Variants in KIAA1328 observed in about 807,000 individuals in gnomAD.
The protein encoded by KIAA1328 is KIAA1328.
In KIAA1328, 52 loss-of-function variants were observed where a neutral mutation model predicts 68.1. That is an observed-to-expected ratio of 0.76 (90% CI 0.61 to 0.96). The LOEUF is 0.96. KIAA1328 is among the 40% of genes least tolerant of loss of function. The pLI is 0.00. For synonymous variants in KIAA1328, 232 were observed against 239.4 expected (o/e 0.97, Z 0.28); for missense variants, 641 against 677.6 (o/e 0.95, Z 0.60).
Position 37,182,863 on chromosome 18 carries a change from G to A in KIAA1328, c.1523+9782G>A, listed in dbSNP as rs534053747. 3.3e-5 allele frequency among the ~76,000 whole-genome samples: 5 copies of A among 152,094 alleles called. No individual in the cohort carries two copies. In the East Asian group the frequency reaches 5.8e-4, roughly 18 times the overall value. ...CTTTAACTTGATGCTTGTCCATGTT[G>A]GGCACTCAGTGTTAGCTTTCTTCTG... is the stretch of plus-strand genomic sequence containing the variant. On this transcript the variant is annotated intron_variant, in intron 9 of 9. Coordinates refer to ENST00000280020, the MANE Select transcript of KIAA1328 (RefSeq NM_020776.3).
At chr18:37,090,662 G>A (rs2057240933) in intron 7 of KIAA1328, among the ~76,000 whole-genome samples, 1 of 152,164 alleles carries the variant, frequency 6.6e-6, no homozygotes, top group African/African-American at 2.4e-5. Context: ...AGAGTTTCTT[G>A]AAATCCTTAT....
chr18:37,181,348 T>G (rs559621088), intron 9 of KIAA1328, among the ~76,000 whole-genome samples: 1 of 152,190 alleles, frequency 6.6e-6, no homozygotes, highest in South Asian at 2.1e-4. Flanking sequence ...AGCCCAGCCA[T>G]TCAAAAGGAT....
intron 9 of KIAA1328, among the ~76,000 whole-genome samples, chr18:37,198,590 A>C (rs1275371373): frequency 1.3e-5 from 2 of 152,224 alleles, no homozygotes; most frequent in East Asian, 3.8e-4. Flanking sequence ...TCCAGTAAGC[A>C]ATAAAATATT....
In KIAA1328 at chr18:37,224,010, A is replaced by C. The variant is rs2060607539; in HGVS notation, c.*1783A>C. 3 of 985,316 alleles carry C rather than the reference A, an allele frequency of 3.0e-6. No individual in the cohort carries two copies. In the South Asian group the frequency reaches 1.4e-4, roughly 46 times the overall value. 61.0% of individuals were successfully genotyped at this position (985,316 alleles called of 1,614,324 possible). The stretch of plus-strand genomic sequence containing the variant: ...AGTAACCAAATCGGTTTCATCCCAT[A>C]TCAAAAAGCCTTTGGAGTGTGGAGC... On this transcript the variant is annotated 3_prime_UTR_variant, in exon 10 of 10. Transcript: ENST00000280020.
chr18:36,915,345 T>C (rs1336684340), intron 5 of KIAA1328, among the ~76,000 whole-genome samples: 2 of 151,524 alleles, frequency 1.3e-5, no homozygotes, highest in African/African-American at 2.4e-5. Context: ...ATTAATTGGA[T>C]TTTAGTTTTA....
At chr18:36,930,197 G>C (rs1007809430) in intron 5 of KIAA1328, among the ~76,000 whole-genome samples, 2 of 152,118 alleles carry the variant, frequency 1.3e-5, no homozygotes, top group Non-Finnish European at 2.9e-5. Flanking sequence ...GAAAATTTCA[G>C]CTGTTTTATT....
At chr18:36,836,850 T>G (rs1168636546) in intron 3 of KIAA1328, among the ~76,000 whole-genome samples, 1 of 152,150 alleles carries the variant, frequency 6.6e-6, no homozygotes, top group East Asian at 1.9e-4. Context: ...ATAGATTTGC[T>G]TGTTATTGAT....
At chr18:37,175,769 C>T (rs186368308) in intron 9 of KIAA1328, among the ~76,000 whole-genome samples, 136 of 152,132 alleles carry the variant, frequency 8.9e-4, no homozygotes, top group Non-Finnish European at 1.2e-3. Context: ...AAGAGAAGAG[C>T]CTATTGTTCT....
chr18:37,063,584 G>A (rs1003477468), intron 6 of KIAA1328: 2 of 966,606 alleles, frequency 2.1e-6, no homozygotes, highest in Admixed American at 6.2e-5. Context: ...TGAGAATCAC[G>A]GGGAGCATCT....
rs71168249 is a variant in KIAA1328 at position 36,953,995 on chromosome 18, C to CTTTTTTTTT, written c.449-5303_449-5295dup. ...ATATATTGAATTTGTCTGATTGTTTCTTTTTTTTTTTTTTTTTTGAGACGG... is the reference window on the plus strand; with the variant it reads ...ATATATTGAATTTGTCTGATTGTTTCTTTTTTTTTTTTTTTTTTTTTTTTTTTGAGACGG... On this transcript the variant is annotated intron_variant, in intron 5 of 9. Transcript: ENST00000280020. Among the ~76,000 whole-genome samples the CTTTTTTTTT allele has an allele frequency of 4.3e-4, 49 of 113,538 alleles. 5 individuals carry two copies. The highest frequency in any genetic ancestry group is 9.1e-4 in the South Asian group (3 of 3,292). The allele number at this position is 113,538 out of a possible 152,430, so 74.5% of individuals were successfully genotyped here.
At chr18:36,970,556 C>T (rs374438422) in intron 6 of KIAA1328, among the ~76,000 whole-genome samples, 5 of 152,156 alleles carry the variant, frequency 3.3e-5, no homozygotes, top group East Asian at 1.9e-4. Flanking sequence ...TAGAAAACCC[C>T]ATTGTCTGAG....
In KIAA1328 at chr18:37,169,136, TTTTA is replaced by T. The variant is rs202034975; in HGVS notation, c.1415-3807_1415-3804del. 4.6e-4 allele frequency among the ~76,000 whole-genome samples: 68 copies of T among 148,972 alleles called. 1 individual carries two copies. The highest frequency in any genetic ancestry group is 9.4e-4 in the African/African-American group (38 of 40,566). ...TAGCCTAGTAATATTCTTAACAGCA[TTTTA>T]TTTATTTATTTATTTATTTATTTAT... is the stretch of plus-strand genomic sequence containing the variant. On this transcript the variant is annotated intron_variant, in intron 8 of 9. Coordinates refer to ENST00000280020, the MANE Select transcript of KIAA1328 (RefSeq NM_020776.3).
Position 36,949,598 on chromosome 18 carries a change from C to CCT in KIAA1328, c.449-9709_449-9708insTC, listed in dbSNP as rs2051063299. Reference sequence around the variant, plus strand: ...ATTTCAAGTCTGTTTCTACCCAGCTCCCCCCCCCCCACCCCCCGATCTTGA... The same window carrying CCT: ...ATTTCAAGTCTGTTTCTACCCAGCTCCTCCCCCCCCCCACCCCCCGATCTTGA... On this transcript the variant is annotated intron_variant, in intron 5 of 9. Transcript: ENST00000280020. Among the ~76,000 whole-genome samples, 3 of 2,820 alleles carry CCT rather than the reference C, an allele frequency of 1.1e-3. No homozygotes were observed. The Admixed American group carries it at 0.012, about 11-fold the overall frequency. 1.9% of individuals were successfully genotyped at this position (2,820 alleles called of 152,430 possible).
downstream of KIAA1328, among the ~76,000 whole-genome samples, chr18:37,229,172 G>A (rs1244277135): frequency 6.6e-6 from 1 of 152,186 alleles, no homozygotes. Context: ...GTGGGAGGAG[G>A]AGAGGAATCC....
chr18:37,084,323 A>G (rs1430060241), intron 7 of KIAA1328: 2 of 585,392 alleles, frequency 3.4e-6, no homozygotes, highest in Admixed American at 4.2e-5. Flanking sequence ...ATGTTGATTA[A>G]TACAGTTTTG....
downstream of KIAA1328, among the ~76,000 whole-genome samples, chr18:37,226,024 CCT>C (rs2060634384): frequency 6.6e-6 from 1 of 152,122 alleles, no homozygotes; most frequent in Admixed American, 6.5e-5. Context: ...TAAGATCCCC[CCT>C]AATTTGAAAA....
Position 37,160,188 on chromosome 18 carries a change from T to C in KIAA1328, c.1233-12T>C. 6.2e-7 allele frequency: 1 copy of C among 1,605,974 alleles called. No individual in the cohort carries two copies. Among genetic ancestry groups the C allele is most frequent in the Non-Finnish European group, 8.5e-7 (1 of 1,175,724 alleles). On this transcript the variant is annotated splice_polypyrimidine_tract_variant and intron_variant, in intron 7 of 9. Transcript: ENST00000280020. The stretch of plus-strand genomic sequence containing the variant: ...TGTGCCTTCAACAGTTCATTCATCG[T>C]TGTTCTTTCAGTTTATTGAAGTCAA...
chr18:36,917,072 C>G (rs2049733765), intron 5 of KIAA1328, among the ~76,000 whole-genome samples: 1 of 152,116 alleles, frequency 6.6e-6, no homozygotes, highest in Non-Finnish European at 1.5e-5. Flanking sequence ...TAAAAAATCC[C>G]TGCTCATAAC....
chr18:37,058,353 T>C (rs939018096), intron 6 of KIAA1328, among the ~76,000 whole-genome samples: 1 of 152,112 alleles, frequency 6.6e-6, no homozygotes, highest in South Asian at 2.1e-4. Context: ...TTCACAAATA[T>C]AATGTTAGAT....
Sources: allele counts gnomAD v4.1 joint callset (sites outside exome capture counted in the v4.1 genomes callset), GRCh38; gene constraint gnomAD v4.1.1; transcripts MANE v1.5; gene names NCBI Gene and HGNC (gene_info 2026-07-23, HGNC 2026-07-21).